HTR4: variants seen among roughly 807,000 people sequenced by gnomAD.
The protein encoded by HTR4 is 5-hydroxytryptamine receptor 4.
In HTR4, 16 loss-of-function variants were observed where a neutral mutation model predicts 36.8. The observed-to-expected ratio is 0.43, with a 90% CI of 0.29 to 0.66. The LOEUF is 0.66. HTR4 is among the 30% of genes least tolerant of loss of function. The pLI is 0.13. For synonymous variants in HTR4, 189 were observed against 185.1 expected (o/e 1.02, Z -0.17); for missense variants, 438 against 490.9 (o/e 0.89, Z 1.02).
downstream of HTR4, among the ~76,000 whole-genome samples, chr5:148,477,382 C>G (rs567022910): frequency 2.0e-5 from 3 of 152,160 alleles, no homozygotes; most frequent in South Asian, 6.2e-4. Flanking sequence ...TGCAGACAGC[C>G]AAAACTCCAC....
At chr5:148,539,667 T>C (rs1759008712) in intron 4 of HTR4, among the ~76,000 whole-genome samples, 1 of 151,992 alleles carries the variant, frequency 6.6e-6, no homozygotes, top group Admixed American at 6.5e-5. Context: ...AAAACCACAA[T>C]GGGATACCAT....
intron 2 of HTR4, among the ~76,000 whole-genome samples, chr5:148,570,654 G>T (rs1261078501): frequency 1.3e-5 from 2 of 152,022 alleles, no homozygotes; most frequent in Non-Finnish European, 2.9e-5. Flanking sequence ...CGGCCAGCAA[G>T]GGTCACACAT....
At chr5:148,588,987 T>C (rs890685367) in intron 2 of HTR4, among the ~76,000 whole-genome samples, 10 of 152,194 alleles carry the variant, frequency 6.6e-5, no homozygotes, top group African/African-American at 1.9e-4. Flanking sequence ...GAAAGCTGCT[T>C]TTTTATTCAA....
At chr5:148,528,820 A>G (rs1438457356) in intron 4 of HTR4, among the ~76,000 whole-genome samples, 1 of 152,016 alleles carries the variant, frequency 6.6e-6, no homozygotes, top group Non-Finnish European at 1.5e-5. Flanking sequence ...AGTTCTTTGG[A>G]GGGAGGTAAG....
At chr5:148,633,890 G>C (rs76916679) in intron 2 of HTR4, among the ~76,000 whole-genome samples, 2,574 of 152,110 alleles carry the variant, frequency 0.017, 121 homozygotes, top group East Asian at 0.12. Context: ...ATTTTTCATA[G>C]TAATTCTTTG....
At chr5:148,634,715 G>A (rs1753464418) in intron 2 of HTR4, among the ~76,000 whole-genome samples, 1 of 152,120 alleles carries the variant, frequency 6.6e-6, no homozygotes, top group Non-Finnish European at 1.5e-5. Flanking sequence ...TACAACTAAT[G>A]TTTTGCCCCT....
rs73270416 is a variant in HTR4, at chr5:148,641,951, T to C, written c.-47-4890A>G. On this transcript the variant is annotated intron_variant, in intron 1 of 6. Coordinates refer to ENST00000377888, the MANE Select transcript of HTR4 (RefSeq NM_000870.7). ...CCCACCTACTGGAATGAAATATCGATGTAGTCTGGTACAGTGCCAACATCT... is the reference window on the plus strand; with the variant it reads ...CCCACCTACTGGAATGAAATATCGACGTAGTCTGGTACAGTGCCAACATCT... Among the ~76,000 whole-genome samples, 972 of 152,290 alleles carry C rather than the reference T, an allele frequency of 6.4e-3. 9 individuals carry two copies. Among genetic ancestry groups the C allele is most frequent in the African/African-American group, 0.022 (925 of 41,552 alleles).
At position 148,654,355 on chromosome 5, in the gene HTR4, C is replaced by A. The variant is rs1754131980; in HGVS notation, c.-341G>T. On this transcript the variant is annotated 5_prime_UTR_variant, in exon 1 of 7. Coordinates refer to ENST00000377888, the MANE Select transcript of HTR4 (RefSeq NM_000870.7). ...CCACGGGCTCAACAGCCCCCAGCCC[C>A]GGTGGTCCCCGCTGCCCTGCCCGCT... 12 of 985,450 alleles carry A rather than the reference C, an allele frequency of 1.2e-5. No homozygotes were observed. Among genetic ancestry groups the A allele is most frequent in the Non-Finnish European group, 1.4e-5 (12 of 829,942 alleles). 61.0% of individuals were successfully genotyped at this position (985,450 alleles called of 1,614,324 possible).
intron 4 of HTR4, among the ~76,000 whole-genome samples, chr5:148,531,439 G>A (rs1323342316): frequency 6.6e-6 from 1 of 152,178 alleles, no homozygotes; most frequent in Non-Finnish European, 1.5e-5. Flanking sequence ...GCCACCATGT[G>A]AGATGTGCCT....
Position 148,483,130 on chromosome 5 carries a change from C to A in HTR4, c.*73G>T. Reference sequence around the variant, plus strand: ...GTGAAGAGAATACCGGGTGCAGTCGCGCACAAGCAGCAGCTTAGGACCTGG... The same window carrying A: ...GTGAAGAGAATACCGGGTGCAGTCGAGCACAAGCAGCAGCTTAGGACCTGG... On this transcript the variant is annotated 3_prime_UTR_variant, in exon 7 of 7. Transcript: ENST00000377888. 6.2e-7 allele frequency: 1 copy of A among 1,605,656 alleles called. No homozygotes were observed. The highest frequency in any genetic ancestry group is 8.5e-7 in the Non-Finnish European group (1 of 1,175,010).
At chr5:148,484,182 G>C in intron 6 of HTR4, 1 of 1,451,512 alleles carries the variant, frequency 6.9e-7, no homozygotes. Flanking sequence ...AGATATTTCA[G>C]TTTAGTGTCA....
intron 2 of HTR4, among the ~76,000 whole-genome samples, chr5:148,623,918 C>T (rs920088914): frequency 9.2e-5 from 14 of 152,118 alleles, no homozygotes; most frequent in Admixed American, 3.9e-4. Context: ...ATTAAAAGGG[C>T]GTTCCCCCTC....
At position 148,481,950 on chromosome 5, in the gene HTR4, G is replaced by A; in HGVS notation, c.*1253C>T. On this transcript the variant is annotated 3_prime_UTR_variant, in exon 7 of 7. Transcript: ENST00000377888. ...AAAGGCAGGCAGGCCATGGCTTCTC[G>A]AGGTAGCAGACGGCTATAGCAGCAT... 1 of 1,081,280 alleles carries A rather than the reference G, an allele frequency of 9.2e-7. No homozygotes were observed. The highest frequency in any genetic ancestry group is 6.5e-5 in the East Asian group (1 of 15,338). 67.0% of individuals were successfully genotyped at this position (1,081,280 alleles called of 1,614,324 possible).
chr5:148,576,117 A>AAAAAAAAAAC (rs1760895434), intron 2 of HTR4, among the ~76,000 whole-genome samples: 1 of 136,626 alleles, frequency 7.3e-6, no homozygotes, highest in African/African-American at 2.6e-5. Context: ...TCTCAAAAAA[A>AAAAAAAAAAC]AAAAAAAAAA....
intron 2 of HTR4, among the ~76,000 whole-genome samples, chr5:148,602,562 A>G (rs1253193856): frequency 6.6e-6 from 1 of 152,216 alleles, no homozygotes. Context: ...AAAACAGCTT[A>G]AATTACATAA....
intron 6 of HTR4, among the ~76,000 whole-genome samples, chr5:148,501,617 T>TA (rs1756937676): frequency 6.6e-6 from 1 of 152,224 alleles, no homozygotes; most frequent in Non-Finnish European, 1.5e-5. Context: ...GTATTTGGTA[T>TA]ACGGCAGTGA....
intron 5 of HTR4, among the ~76,000 whole-genome samples, chr5:148,453,689 CG>C (rs993408238): frequency 3.3e-5 from 5 of 151,292 alleles, no homozygotes; most frequent in African/African-American, 1.2e-4. Flanking sequence ...GCCAAGTGGG[CG>C]GGGGTGGGCT....
At position 148,626,586 on chromosome 5, in the gene HTR4, C is replaced by T. The variant is rs1184456816; in HGVS notation, c.26+10403G>A. The stretch of plus-strand genomic sequence containing the variant: ...ACAACAGGTGATTTGCTCTCATAAG[C>T]TTCCTGAGTTCAGATCAGAAAGGTG... On this transcript the variant is annotated intron_variant, in intron 2 of 6. Coordinates refer to ENST00000377888, the MANE Select transcript of HTR4 (RefSeq NM_000870.7). Among the ~76,000 whole-genome samples the T allele has an allele frequency of 2.0e-5, 3 of 152,198 alleles. No homozygotes were observed. In the East Asian group the frequency reaches 5.8e-4, roughly 29 times the overall value.
intron 2 of HTR4, among the ~76,000 whole-genome samples, chr5:148,551,723 C>T (rs945216545): frequency 6.6e-6 from 1 of 152,170 alleles, no homozygotes; most frequent in African/African-American, 2.4e-5. Flanking sequence ...ATAACATACA[C>T]TAACACTAAC....
Sources: allele counts gnomAD v4.1 joint callset (sites outside exome capture counted in the v4.1 genomes callset), GRCh38; gene constraint gnomAD v4.1.1; transcripts MANE v1.5; gene names NCBI Gene and HGNC (gene_info 2026-07-23, HGNC 2026-07-21).